Variants in RREB1 observed in about 807,000 individuals in gnomAD.
RREB1 encodes the protein ras-responsive element-binding protein 1.
Under a neutral mutation model 117.8 loss-of-function variants are expected in RREB1, and 27 were observed. The ratio of observed to expected loss-of-function variants is 0.23; its 90% CI spans 0.17 to 0.32. The LOEUF (loss-of-function observed/expected upper bound fraction) is 0.32. Among genes scored for constraint, RREB1 ranks in the 10% least tolerant of loss-of-function variants. RREB1 has a pLI of 1.00. For missense variants in RREB1, 2,577 were observed against 2,378.2 expected, an observed-to-expected ratio of 1.08 and a Z score of -1.74; for synonymous variants, 1,298 against 1,026.7, an observed-to-expected ratio of 1.26 and a Z score of -5.05.
chr6:7,162,429 C>T (rs1243466109), intron 1 of RREB1, among the ~76,000 whole-genome samples: 4 of 152,194 alleles, frequency 2.6e-5, no homozygotes. Context: ...GCCTTGCACT[C>T]AGTGGTGCTT....
chr6:7,133,462 G>A (rs1012034116), intron 1 of RREB1, among the ~76,000 whole-genome samples: 3 of 152,008 alleles, frequency 2.0e-5, no homozygotes, highest in Non-Finnish European at 2.9e-5. Context: ...TGGCACACCC[G>A]GGAAGTCCCA....
intron 4 of RREB1, chr6:7,183,485 A>G (rs1025950113): frequency 1.3e-5 from 2 of 152,266 alleles, no homozygotes; most frequent in Admixed American, 1.3e-4. Flanking sequence ...CTTCTGCTCT[A>G]CCAGGAACAA....
intron 1 of RREB1, among the ~76,000 whole-genome samples, chr6:7,167,349 AT>A (rs777728313): frequency 0.012 from 1,444 of 120,066 alleles, 5 homozygotes; most frequent in East Asian, 0.025. Flanking sequence ...CTGGGACAGG[AT>A]TTTTTTTTTT....
At chr6:7,153,105 G>GTTTT (rs369606887) in intron 1 of RREB1, among the ~76,000 whole-genome samples, 5 of 105,030 alleles carry the variant, frequency 4.8e-5, no homozygotes, top group Non-Finnish European at 9.9e-5. Flanking sequence ...TTGTGAGAGG[G>GTTTT]TTTTTTTTTT....
intron 6 of RREB1, among the ~76,000 whole-genome samples, chr6:7,205,172 C>CA (rs1373060964): frequency 6.6e-6 from 1 of 152,208 alleles, no homozygotes; most frequent in Admixed American, 6.5e-5. Flanking sequence ...AAGCAGGCTT[C>CA]AGTATCACCT....
intron 1 of RREB1, among the ~76,000 whole-genome samples, chr6:7,142,220 T>TG (rs1554117346): frequency 1.4e-5 from 2 of 141,056 alleles, no homozygotes; most frequent in Admixed American, 1.4e-4. Context: ...CGTCTTAATT[T>TG]AAAAAAAAAA....
chr6:7,206,246 G>A (rs1317000432), intron 6 of RREB1, among the ~76,000 whole-genome samples: 1 of 152,170 alleles, frequency 6.6e-6, no homozygotes, highest in Non-Finnish European at 1.5e-5. Context: ...ATTAACACAT[G>A]TCCTCAGTGT....
At position 7,229,947 on chromosome 6, in the gene RREB1, G is replaced by T. The variant is rs774866426; in HGVS notation, c.1848G>T (p.Gln616His). ...LPLSMEAKIKQEITEGELKAF... is the reference protein window; with the variant it reads ...LPLSMEAKIKHEITEGELKAF... ...TGAGCATGGAGGCCAAGATCAAGCA[G>T]GAGATCACAGAGGGGGAACTCAAGG... The change falls in exon 10 of 13, where the codon CAG (glutamine) becomes CAT (histidine). Residue 616 changes from glutamine (Q) to histidine (H), a missense_variant. Coordinates refer to ENST00000379938, the MANE Select transcript of RREB1 (RefSeq NM_001003699.4). This position sits in a 1 kb window ranked among gnomAD's most constrained non-coding sequence, Gnocchi z 4.5. The T allele has an allele frequency of 6.2e-7, 1 of 1,601,226 alleles. No homozygotes were observed. Among genetic ancestry groups the T allele is most frequent in the African/African-American group, 1.3e-5 (1 of 74,602 alleles).
chr6:7,229,435 T>C lies in RREB1; in HGVS notation c.1336T>C (p.Phe446Leu). 1 of 1,614,168 alleles carries C rather than the reference T, an allele frequency of 6.2e-7. No individual in the cohort carries two copies. ...HLSLQPFQKG[F>L]IIQPDSSIVV... ...GTCCCTGCAGCCCTTCCAGAAGGGC[T>C]TCATCATCCAGCCTGACAGCAGCAT... Residue 446 changes from phenylalanine (F) to leucine (L), a missense_variant, in exon 10 of 13, where the codon TTC (phenylalanine) becomes CTC (leucine). Phe to Leu is a conservative substitution (Grantham distance 22). Coordinates refer to ENST00000379938, the MANE Select transcript of RREB1 (RefSeq NM_001003699.4). The surrounding 1 kb of genome is among the most constrained non-coding windows in gnomAD (Gnocchi z 4.5).
intron 1 of RREB1, among the ~76,000 whole-genome samples, chr6:7,160,346 A>T (rs1763590703): frequency 6.6e-6 from 1 of 152,204 alleles, no homozygotes; most frequent in Non-Finnish European, 1.5e-5. Context: ...AAAAAAAAAT[A>T]GTGACATCAA....
chr6:7,107,928 G>A (rs1175590293), upstream of RREB1: 1 of 152,622 alleles, frequency 6.6e-6, no homozygotes, highest in Non-Finnish European at 1.5e-5. Flanking sequence ...CTGCGGAGTT[G>A]ATGAACTTTG....
At chr6:7,109,060 A>C (rs1399553848) in intron 1 of RREB1, among the ~76,000 whole-genome samples, 2 of 150,738 alleles carry the variant, frequency 1.3e-5, no homozygotes, top group Non-Finnish European at 1.5e-5. Context: ...TCACGAGCAC[A>C]GGAAGGAGGC....
At chr6:7,146,123 A>T (rs938454679) in intron 1 of RREB1, among the ~76,000 whole-genome samples, 2 of 151,930 alleles carry the variant, frequency 1.3e-5, no homozygotes, top group Admixed American at 1.3e-4. Flanking sequence ...AGATACACAC[A>T]CACACTTCAG....
intron 6 of RREB1, among the ~76,000 whole-genome samples, chr6:7,205,100 C>T (rs949848593): frequency 2.0e-5 from 3 of 152,156 alleles, no homozygotes; most frequent in Non-Finnish European, 4.4e-5. Context: ...AATGGTTGAC[C>T]GAACCTGCAA....
intron 1 of RREB1, among the ~76,000 whole-genome samples, chr6:7,110,479 G>GGTGTGTGTGTGT (rs111267508): frequency 0.039 from 5,812 of 149,200 alleles, 277 homozygotes; most frequent in African/African-American, 0.12. Context: ...TTTTAGGGGT[G>GGTGTGTGTGTGT]GTGTGTGTGT....
At chr6:7,132,931 C>G (rs1762212358) in intron 1 of RREB1, among the ~76,000 whole-genome samples, 1 of 152,112 alleles carries the variant, frequency 6.6e-6, no homozygotes, top group African/African-American at 2.4e-5. Flanking sequence ...CCATGGAAAC[C>G]TTTTAAAAAC....
chr6:7,226,668 A>G lies in RREB1; in HGVS notation c.897+12A>G. The G allele has an allele frequency of 6.2e-7, 1 of 1,605,816 alleles. No homozygotes were observed. Among genetic ancestry groups the G allele is most frequent in the Non-Finnish European group, 8.5e-7 (1 of 1,174,176 alleles). ...CTCGCATTTCTCAGGTATTCTGATC[A>G]GCCCATGGAAGCAACCAGCAACTGC... On this transcript the variant is annotated intron_variant, in intron 9 of 12. Transcript: ENST00000379938.
intron 8 of RREB1, among the ~76,000 whole-genome samples, chr6:7,220,846 G>A (rs1767207472): frequency 6.6e-6 from 1 of 152,208 alleles, no homozygotes; most frequent in African/African-American, 2.4e-5. Context: ...AGAGTCGTGG[G>A]GACCACCTGG....
chr6:7,157,466 C>T (rs1288681903), intron 1 of RREB1, among the ~76,000 whole-genome samples: 1 of 151,578 alleles, frequency 6.6e-6, no homozygotes, highest in African/African-American at 2.4e-5. Context: ...CTACTGTGTG[C>T]ACATGTACCC....
Sources: gnomAD v4.1 joint callset for allele counts (sites outside exome capture counted in the v4.1 genomes callset) on GRCh38, gnomAD v4.1.1 for gene constraint, Gnocchi (gnomAD v3.1) non-coding constraint, MANE v1.5 for transcripts, NCBI Gene and HGNC (gene_info 2026-07-23, HGNC 2026-07-21) for gene names.